Variants in HS2ST1 observed in about 807,000 individuals in gnomAD.
HS2ST1 encodes heparan sulfate 2-O-sulfotransferase 1.
A neutral mutation model predicts 42.9 loss-of-function variants in HS2ST1; 18 were observed. The observed-to-expected ratio is 0.42, with a 90% CI of 0.29 to 0.62. The LOEUF is 0.62. Among genes scored for constraint, HS2ST1 ranks in the 20% least tolerant of loss-of-function variants. HS2ST1 has a pLI of 0.21. For synonymous variants in HS2ST1, 146 were observed against 152.9 expected (o/e 0.95, Z 0.33); for missense variants, 334 against 433.8 (o/e 0.77, Z 2.04).
At chr1:87,014,932 A>G (rs993398827) in intron 1 of HS2ST1, among the ~76,000 whole-genome samples, 1 of 152,240 alleles carries the variant, frequency 6.6e-6, no homozygotes, top group Admixed American at 6.5e-5. Flanking sequence ...AGGTATTCTC[A>G]TGAAAATGCT....
At chr1:87,071,456 C>T (rs368099290) in intron 1 of HS2ST1, among the ~76,000 whole-genome samples, 2 of 152,050 alleles carry the variant, frequency 1.3e-5, no homozygotes, top group South Asian at 2.1e-4. Flanking sequence ...GATAGCCGGG[C>T]GTAGGGGCTC....
chr1:87,000,261 TG>T (rs1649244401), intron 1 of HS2ST1, among the ~76,000 whole-genome samples: 1 of 152,180 alleles, frequency 6.6e-6, no homozygotes, highest in African/African-American at 2.4e-5. Flanking sequence ...AAAGCTGTAT[TG>T]GATTATACAA....
intron 1 of HS2ST1, among the ~76,000 whole-genome samples, chr1:86,949,080 T>G (rs1308747465): frequency 1.3e-5 from 2 of 152,162 alleles, no homozygotes; most frequent in African/African-American, 4.8e-5. Flanking sequence ...TAGGAAACTT[T>G]CCTTAAAAAA....
chr1:86,946,596 C>G (rs1276847666), intron 1 of HS2ST1, among the ~76,000 whole-genome samples: 1 of 152,140 alleles, frequency 6.6e-6, no homozygotes, highest in Non-Finnish European at 1.5e-5. Context: ...AATACATATA[C>G]CAACCCCTCT....
chr1:87,038,058 T>G (rs1278795934), intron 1 of HS2ST1, among the ~76,000 whole-genome samples: 1 of 152,084 alleles, frequency 6.6e-6, no homozygotes, highest in East Asian at 1.9e-4. Context: ...ACCAATAGTT[T>G]TTTAGTCATA....
chr1:86,927,788 C>T (rs1048139192), intron 1 of HS2ST1, among the ~76,000 whole-genome samples: 1 of 152,090 alleles, frequency 6.6e-6, no homozygotes, highest in African/African-American at 2.4e-5. Context: ...TTGAGTTGGG[C>T]TTAATGAATG....
chr1:87,063,402 CT>C (rs1651165423), intron 1 of HS2ST1, among the ~76,000 whole-genome samples: 1 of 152,086 alleles, frequency 6.6e-6, no homozygotes, highest in Non-Finnish European at 1.5e-5. Context: ...AATGGCGTGA[CT>C]TCCGCTCACC....
chr1:86,993,118 A>G, intron 1 of HS2ST1: 2 of 1,601,972 alleles, frequency 1.2e-6, no homozygotes, highest in South Asian at 1.1e-5. Context: ...CGAAGTATTC[A>G]GTATGCCAGG....
chr1:86,967,410 A>C (rs904749300), intron 1 of HS2ST1, among the ~76,000 whole-genome samples: 1 of 152,150 alleles, frequency 6.6e-6, no homozygotes, highest in African/African-American at 2.4e-5. Flanking sequence ...AGTAGTGTAC[A>C]TTGTACCCAA....
At chr1:87,012,857 C>T (rs1019538875) in intron 1 of HS2ST1, among the ~76,000 whole-genome samples, 30 of 152,244 alleles carry the variant, frequency 2.0e-4, no homozygotes, top group African/African-American at 7.2e-4. Context: ...CTACAGGCCC[C>T]ATGCAAGTCC....
intron 3 of HS2ST1, among the ~76,000 whole-genome samples, chr1:87,090,699 G>T (rs1054431633): frequency 3.3e-5 from 5 of 151,940 alleles, no homozygotes; most frequent in African/African-American, 1.2e-4. Context: ...TCCTGACTCT[G>T]TATAAAGTAA....
intron 1 of HS2ST1, among the ~76,000 whole-genome samples, chr1:87,067,318 A>G (rs1196940633): frequency 2.0e-5 from 3 of 152,162 alleles, no homozygotes; most frequent in Non-Finnish European, 2.9e-5. Flanking sequence ...TTCTCTAATT[A>G]CCAGTGATGA....
Position 86,936,585 on chromosome 1 carries a change from T to C in HS2ST1, c.124+21425T>C, listed in dbSNP as rs183988445. ...AAGATAGGTGTCAATATTATTCCTG[T>C]TTACAGGTGAGTAAATTCAGTTGGG... On this transcript the variant is annotated intron_variant, in intron 1 of 6. Transcript: ENST00000370550. 1.4e-4 allele frequency among the ~76,000 whole-genome samples: 22 copies of C among 152,300 alleles called. No individual in the cohort carries two copies. In the East Asian group the frequency reaches 4.2e-3, roughly 29 times the overall value.
At chr1:86,968,453 A>T (rs1314514639) in intron 1 of HS2ST1, among the ~76,000 whole-genome samples, 1 of 150,700 alleles carries the variant, frequency 6.6e-6, no homozygotes, top group Admixed American at 6.6e-5. Context: ...GCGAGGTCTC[A>T]CTCTGTTACC....
intron 1 of HS2ST1, among the ~76,000 whole-genome samples, chr1:86,985,368 GTA>G (rs1553135008): frequency 3.7e-5 from 1 of 26,914 alleles, no homozygotes; most frequent in African/African-American, 8.1e-5. Context: ...AAAAAAAAAA[GTA>G]TATATATATA....
At chr1:87,068,377 G>T (rs960254036) in intron 1 of HS2ST1, among the ~76,000 whole-genome samples, 1 of 152,182 alleles carries the variant, frequency 6.6e-6, no homozygotes, top group Middle Eastern at 3.4e-3. Context: ...TTGGTGTATA[G>T]GAATGCTTGT....
chr1:87,055,710 TGTTA>T (rs973978684), intron 1 of HS2ST1, among the ~76,000 whole-genome samples: 2 of 152,214 alleles, frequency 1.3e-5, no homozygotes, highest in Non-Finnish European at 2.9e-5. Context: ...AATTCTAAGA[TGTTA>T]GTTGCCTTTT....
At chr1:86,962,815 G>A (rs1479520590) in intron 1 of HS2ST1, among the ~76,000 whole-genome samples, 4 of 152,078 alleles carry the variant, frequency 2.6e-5, no homozygotes, top group Non-Finnish European at 5.9e-5. Flanking sequence ...TTTTGGATTG[G>A]AACATACAGT....
At chr1:87,062,065 A>G (rs182240196) in intron 1 of HS2ST1, among the ~76,000 whole-genome samples, 1 of 152,018 alleles carries the variant, frequency 6.6e-6, no homozygotes, top group Admixed American at 6.6e-5. Flanking sequence ...AGTCATTTGT[A>G]TATCTTCTTT....
Sources: gnomAD v4.1 joint callset for allele counts (sites outside exome capture counted in the v4.1 genomes callset) on GRCh38, gnomAD v4.1.1 for gene constraint, MANE v1.5 for transcripts, NCBI Gene and HGNC (gene_info 2026-07-23, HGNC 2026-07-21) for gene names.